GPC6: variants seen among roughly 807,000 people sequenced by gnomAD.
GPC6 encodes the protein glypican 6, also known as glypican-6.
GPC6 carries 14 observed loss-of-function variants against 55.2 expected under a neutral mutation model. The observed-to-expected ratio is 0.25, with a 90% confidence interval of 0.17 to 0.40. GPC6 has a LOEUF of 0.40. GPC6 is among the 10% of genes least tolerant of loss of function. The probability of loss-of-function intolerance (pLI) is 1.00; values close to 1 mark genes in which losing one functional copy is unlikely to be tolerated. For missense variants in GPC6, 641 were observed against 708.5 expected, an observed-to-expected ratio of 0.90 and a Z score of 1.08; for synonymous variants, 278 against 259.6, an observed-to-expected ratio of 1.07 and a Z score of -0.68.
chr13:94,113,488 A>T (rs549194574), intron 4 of GPC6, among the ~76,000 whole-genome samples: 1 of 152,222 alleles, frequency 6.6e-6, no homozygotes, highest in East Asian at 1.9e-4. Context: ...GTCCTTAAAT[A>T]TGTGTGCACC....
At chr13:93,988,145 T>A (rs1184671397) in intron 3 of GPC6, among the ~76,000 whole-genome samples, 1 of 152,190 alleles carries the variant, frequency 6.6e-6, no homozygotes, top group East Asian at 1.9e-4. Flanking sequence ...GCCAGAAACA[T>A]TGAATCACAA....
At chr13:94,007,950 C>T (rs1882086226) in intron 3 of GPC6, among the ~76,000 whole-genome samples, 2 of 151,942 alleles carry the variant, frequency 1.3e-5, no homozygotes, top group Non-Finnish European at 2.9e-5. Context: ...TTGATAATGC[C>T]ATCCCCCCAA....
chr13:93,398,185 C>T (rs1875933511), intron 1 of GPC6, among the ~76,000 whole-genome samples: 1 of 152,126 alleles, frequency 6.6e-6, no homozygotes, highest in Non-Finnish European at 1.5e-5. Context: ...ATTAATAGAA[C>T]CACCCACAAG....
chr13:93,267,994 C>T (rs1249039030), intron 1 of GPC6, among the ~76,000 whole-genome samples: 3 of 152,154 alleles, frequency 2.0e-5, no homozygotes, highest in Non-Finnish European at 4.4e-5. Flanking sequence ...TTGATTTACT[C>T]ATTCATTGTA....
intron 1 of GPC6, among the ~76,000 whole-genome samples, chr13:93,315,891 T>G (rs1374004172): frequency 6.6e-6 from 1 of 151,972 alleles, no homozygotes; most frequent in Non-Finnish European, 1.5e-5. Flanking sequence ...AGCAAGATAT[T>G]TGGACAAAGA....
intron 1 of GPC6, among the ~76,000 whole-genome samples, chr13:93,267,265 C>T (rs7323403): frequency 6.6e-6 from 1 of 152,014 alleles, no homozygotes; most frequent in Non-Finnish European, 1.5e-5. Flanking sequence ...GCAATTTTCT[C>T]TTAAATGAAA....
chr13:93,493,158 C>CTT (rs1880100102), intron 1 of GPC6, among the ~76,000 whole-genome samples: 1 of 71,084 alleles, frequency 1.4e-5, no homozygotes, highest in African/African-American at 5.6e-5. Flanking sequence ...GTCCTGGACT[C>CTT]TTTTTGGTTG....
At chr13:94,202,652 A>G (rs1290407899) in intron 4 of GPC6, among the ~76,000 whole-genome samples, 1 of 152,206 alleles carries the variant, frequency 6.6e-6, no homozygotes, top group African/African-American at 2.4e-5. Flanking sequence ...GCTGAACCAT[A>G]TCAGTGCAAG....
chr13:93,288,620 A>G (rs1476348280), intron 1 of GPC6, among the ~76,000 whole-genome samples: 1 of 152,232 alleles, frequency 6.6e-6, no homozygotes, highest in African/African-American at 2.4e-5. Flanking sequence ...ATAAAACATA[A>G]AAAGGCTGTC....
In GPC6 at chr13:94,406,694, T is replaced by G. The variant is rs1163694390; in HGVS notation, c.*3477T>G. The G allele has an allele frequency of 6.6e-6, 1 of 152,178 alleles. No individual in the cohort carries two copies. Among genetic ancestry groups the G allele is most frequent in the African/African-American group, 2.4e-5 (1 of 41,470 alleles). 9.4% of individuals were successfully genotyped at this position (152,178 alleles called of 1,614,324 possible). On this transcript the variant is annotated 3_prime_UTR_variant, in exon 9 of 9. Transcript: ENST00000377047. ...AGACATTAGCCTTCTTTAATTCTTT[T>G]GCCATTACATACATGTTTCGGCTAC...
At chr13:93,903,426 T>A (rs1876470449) in intron 3 of GPC6, among the ~76,000 whole-genome samples, 1 of 152,240 alleles carries the variant, frequency 6.6e-6, no homozygotes. Context: ...TGCAGAACTT[T>A]CAAAGATATC....
At chr13:93,951,634 T>G (rs567895978) in intron 3 of GPC6, among the ~76,000 whole-genome samples, 35 of 152,252 alleles carry the variant, frequency 2.3e-4, no homozygotes, top group African/African-American at 7.9e-4. Context: ...CTTGGATAAA[T>G]TACCCAACCC....
chr13:93,686,441 T>C (rs182801789), intron 2 of GPC6, among the ~76,000 whole-genome samples: 6 of 152,218 alleles, frequency 3.9e-5, no homozygotes, highest in Admixed American at 2.0e-4. Flanking sequence ...TGTGATCCCA[T>C]TGGAAGGATG....
Position 93,368,925 on chromosome 13 carries a change from A to G in GPC6, c.160+141309A>G, listed in dbSNP as rs139405543. On this transcript the variant is annotated intron_variant, in intron 1 of 8. Transcript: ENST00000377047. ...GGGTTCATAATTGCTGACTCTTTGC[A>G]CTCTCCTTTGATTAATGTTTGCATA... Among the ~76,000 whole-genome samples the G allele has an allele frequency of 2.0e-5, 3 of 151,816 alleles. No individual in the cohort carries two copies. The East Asian group carries it at 5.8e-4, about 30-fold the overall frequency.
intron 1 of GPC6, among the ~76,000 whole-genome samples, chr13:93,305,741 C>G (rs1180853930): frequency 6.6e-6 from 1 of 152,172 alleles, no homozygotes; most frequent in Non-Finnish European, 1.5e-5. Context: ...ATTCTTCCAA[C>G]TTTTCAGATT....
chr13:94,218,463 G>A (rs1371028229), intron 4 of GPC6, among the ~76,000 whole-genome samples: 1 of 152,148 alleles, frequency 6.6e-6, no homozygotes, highest in African/African-American at 2.4e-5. Context: ...TCACTTCTTT[G>A]ACAAAGACTT....
At chr13:94,390,951 A>G (rs199807916) in intron 7 of GPC6, among the ~76,000 whole-genome samples, 1 of 152,136 alleles carries the variant, frequency 6.6e-6, no homozygotes, top group East Asian at 1.9e-4. Context: ...TCTTGTTCAC[A>G]ACATGGCATT....
In GPC6 at chr13:94,202,886, G is replaced by A. The variant is rs1889797809; in HGVS notation, c.878-83463G>A. Among the ~76,000 whole-genome samples the A allele has an allele frequency of 1.3e-5, 2 of 152,032 alleles. 1 individual carries two copies. Among genetic ancestry groups the A allele is most frequent in the South Asian group, 4.2e-4 (2 of 4,810 alleles). Reference sequence around the variant, plus strand: ...GCCCCTTCGAAGGCCCTAAGAACATGGTTCATTTTCTAGTGCAATAGGAAA... The same window carrying A: ...GCCCCTTCGAAGGCCCTAAGAACATAGTTCATTTTCTAGTGCAATAGGAAA... On this transcript the variant is annotated intron_variant, in intron 4 of 8. Transcript: ENST00000377047.
At chr13:94,076,388 A>G (rs1884915810) in intron 4 of GPC6, among the ~76,000 whole-genome samples, 1 of 151,760 alleles carries the variant, frequency 6.6e-6, no homozygotes, top group Non-Finnish European at 1.5e-5. Flanking sequence ...CTTACTATCT[A>G]TATCATATAA....
Sources: gnomAD v4.1 joint callset for allele counts (sites outside exome capture counted in the v4.1 genomes callset) on GRCh38, gnomAD v4.1.1 for gene constraint, MANE v1.5 for transcripts, NCBI Gene and HGNC (gene_info 2026-07-23, HGNC 2026-07-21) for gene names.